The following IRAK1BP1 variants were observed in gnomAD, a reference collection of about 807,000 sequenced individuals.
IRAK1BP1 encodes interleukin-1 receptor-associated kinase 1-binding protein 1.
IRAK1BP1 carries 24 observed loss-of-function variants against 28.0 expected under a neutral mutation model. The observed-to-expected ratio is 0.86, with a 90% CI of 0.62 to 1.20. The LOEUF (loss-of-function observed/expected upper bound fraction) is 1.20, where lower values mean the gene tolerates loss of function less well. IRAK1BP1 is among the 50% of genes most tolerant of loss of function. The pLI is 0.00. For missense variants in IRAK1BP1, 336 were observed against 316.7 expected (o/e 1.06, Z -0.46); for synonymous variants, 131 against 116.3 (o/e 1.13, Z -0.81).
chr6:78,955,748 G>T, the IRAK1BP1 span: 1 of 608,956 alleles, frequency 1.6e-6, no homozygotes, highest in South Asian at 2.3e-5. Flanking sequence ...TTAAAAATTT[G>T]TTCGTAAAAC....
At chr6:78,963,175 C>T in the IRAK1BP1 span, 5 of 1,611,634 alleles carry the variant, frequency 3.1e-6, no homozygotes, top group Non-Finnish European at 4.2e-6. Context: ...CATTCTCCAT[C>T]AAGAGGTTTA....
At chr6:78,914,775 C>A in intron 4 of IRAK1BP1, among the ~76,000 whole-genome samples, 1 of 152,136 alleles carries the variant, frequency 6.6e-6, no homozygotes, top group East Asian at 1.9e-4. Context: ...TTATCAGTAC[C>A]AATTAATACT....
At chr6:78,909,333 A>G (rs1264536703) in intron 4 of IRAK1BP1, among the ~76,000 whole-genome samples, 1 of 152,218 alleles carries the variant, frequency 6.6e-6, no homozygotes, top group Non-Finnish European at 1.5e-5. Context: ...TCCAGACATA[A>G]TCTCATGGTG....
In IRAK1BP1 at chr6:78,894,092, T is replaced by C. The variant is rs566670537; in HGVS notation, c.382-3737T>C. Among the ~76,000 whole-genome samples, 3 of 152,328 alleles carry C rather than the reference T, an allele frequency of 2.0e-5. No individual in the cohort carries two copies. In the South Asian group the frequency reaches 6.2e-4, roughly 32 times the overall value. ...ATGGTAGATTGTAATAACTTAAATA[T>C]GTATTCTGTAAATCCTAAAGCAAAC... On this transcript the variant is annotated intron_variant, in intron 2 of 3. Transcript: ENST00000369940.
At chr6:78,958,657 A>T in the IRAK1BP1 span, 15 of 1,047,728 alleles carry the variant, frequency 1.4e-5, no homozygotes, top group Non-Finnish European at 2.2e-5. Flanking sequence ...ATATGTGTAC[A>T]TCATTTAAAA....
At chr6:78,951,555 T>C in the IRAK1BP1 span, among the ~76,000 whole-genome samples, 1 of 152,190 alleles carries the variant, frequency 6.6e-6, no homozygotes, top group African/African-American at 2.4e-5. Context: ...TTTTCTCTTC[T>C]GTGACAGTAA....
At chr6:78,876,863 T>C (rs1771021618) in intron 1 of IRAK1BP1, among the ~76,000 whole-genome samples, 1 of 152,168 alleles carries the variant, frequency 6.6e-6, no homozygotes, top group Admixed American at 6.5e-5. Context: ...CAAAATCATC[T>C]GGTGGAGAAC....
intron 2 of IRAK1BP1, among the ~76,000 whole-genome samples, chr6:78,897,562 A>T (rs1208031275): frequency 6.6e-6 from 1 of 152,180 alleles, no homozygotes; most frequent in African/African-American, 2.4e-5. Context: ...GTTTAAGGGA[A>T]ACTCCTTCAA....
At chr6:78,920,675 T>C (rs1423762155) in intron 4 of IRAK1BP1, among the ~76,000 whole-genome samples, 1 of 152,070 alleles carries the variant, frequency 6.6e-6, no homozygotes. Flanking sequence ...CCTAAAACTG[T>C]AAAAACACTA....
chr6:78,972,612 A>C, the IRAK1BP1 span, among the ~76,000 whole-genome samples: 2 of 152,192 alleles, frequency 1.3e-5, no homozygotes, highest in African/African-American at 2.4e-5. Flanking sequence ...CCAAAGGCAA[A>C]GAAGTTGAAA....
intron 4 of IRAK1BP1, chr6:78,939,500 A>G (rs1562108033): frequency 2.0e-5 from 3 of 151,922 alleles, no homozygotes; most frequent in Admixed American, 2.0e-4. Context: ...ATAAAGTATG[A>G]CATTTTAAAA....
chr6:78,951,871 T>TATAAATAGCTACAA, the IRAK1BP1 span, among the ~76,000 whole-genome samples: 2 of 152,238 alleles, frequency 1.3e-5, no homozygotes, highest in African/African-American at 4.8e-5. Context: ...TGGCTTTGTC[T>TATAAATAGCTACAA]ATAAATAGCT....
chr6:78,872,005 A>G (rs1245690391), intron 1 of IRAK1BP1: 2 of 604,840 alleles, frequency 3.3e-6, no homozygotes, highest in Admixed American at 5.8e-5. Context: ...GTGTAATGCC[A>G]GGGAATTAAA....
chr6:78,917,754 T>C (rs1772599941), intron 4 of IRAK1BP1, among the ~76,000 whole-genome samples: 1 of 151,884 alleles, frequency 6.6e-6, no homozygotes, highest in East Asian at 1.9e-4. Flanking sequence ...GCAGGAGATA[T>C]TGGGTGCCTA....
At chr6:78,871,352 C>G (rs2127664551) in intron 1 of IRAK1BP1, 1 of 984,892 alleles carries the variant, frequency 1.0e-6, no homozygotes, top group South Asian at 4.7e-5. Flanking sequence ...GAGTGTTTAA[C>G]CCCTTTAACC....
downstream of IRAK1BP1, among the ~76,000 whole-genome samples, chr6:78,904,203 G>A (rs1772199730): frequency 6.6e-6 from 1 of 152,180 alleles, no homozygotes; most frequent in Non-Finnish European, 1.5e-5. Flanking sequence ...CCAGAGCTTA[G>A]CTTTCTCAAA....
At position 78,945,247 on chromosome 6, in the gene IRAK1BP1, AT is replaced by A. The variant is rs925192468; in HGVS notation, c.*68-159del. 2.5e-5 allele frequency: 32 copies of A among 1,290,330 alleles called. No homozygotes were observed. In the Admixed American group the frequency reaches 3.7e-4, roughly 15 times the overall value. The allele number at this position is 1,290,330 out of a possible 1,614,324, so 79.9% of individuals were successfully genotyped here. ...TATAAATGCTGATTCCAACAAAAGC[AT>A]TATTTATAATAAGGATCTACTGTAT... On this transcript the variant is annotated intron_variant and NMD_transcript_variant, in intron 4 of 4. Coordinates refer to the IRAK1BP1 transcript ENST00000606868.
chr6:78,919,203 G>A (rs1772652976), intron 4 of IRAK1BP1, among the ~76,000 whole-genome samples: 1 of 152,000 alleles, frequency 6.6e-6, no homozygotes, highest in Admixed American at 6.6e-5. Flanking sequence ...CAAAGGCAAG[G>A]TTAAGATAAA....
chr6:78,920,003 C>T (rs1012981800), intron 4 of IRAK1BP1, among the ~76,000 whole-genome samples: 5 of 152,188 alleles, frequency 3.3e-5, no homozygotes, highest in African/African-American at 1.2e-4. Context: ...TGGCTGTAAT[C>T]CCAACACTTT....
Sources: allele counts gnomAD v4.1 joint callset (sites outside exome capture counted in the v4.1 genomes callset), GRCh38; gene constraint gnomAD v4.1.1; transcripts MANE v1.5; gene names NCBI Gene and HGNC (gene_info 2026-07-23, HGNC 2026-07-21).